The following LEPR variants were observed in gnomAD, a reference collection of about 807,000 sequenced individuals.
LEPR encodes leptin receptor, also known as OB receptor.
In LEPR, 56 loss-of-function variants were observed where a neutral mutation model predicts 114.7. The ratio of observed to expected loss-of-function variants is 0.49; its 90% confidence interval spans 0.39 to 0.61. The LOEUF is 0.61. Ranked by LOEUF, LEPR falls within the 20% of genes least tolerant of loss-of-function variation. The pLI, the probability that LEPR is intolerant of heterozygous loss-of-function variation, is 0.00. For missense variants in LEPR, 1,202 were observed against 1,352.9 expected (o/e 0.89, Z 1.75); for synonymous variants, 443 against 461.4 (o/e 0.96, Z 0.51).
intron 2 of LEPR, among the ~76,000 whole-genome samples, chr1:65,487,283 C>T (rs972217089): frequency 6.6e-6 from 1 of 152,058 alleles, no homozygotes; most frequent in African/African-American, 2.4e-5. Context: ...TACTTATTAG[C>T]AGTGGAATTG....
intron 2 of LEPR, among the ~76,000 whole-genome samples, chr1:65,441,926 CTGT>C (rs1347753093): frequency 1.3e-5 from 2 of 152,152 alleles, no homozygotes; most frequent in South Asian, 4.1e-4. Flanking sequence ...GTGATACATA[CTGT>C]TGTTCACTGT....
At chr1:65,442,716 G>C (rs1490163374) in intron 2 of LEPR, among the ~76,000 whole-genome samples, 2 of 152,112 alleles carry the variant, frequency 1.3e-5, no homozygotes, top group Non-Finnish European at 2.9e-5. Context: ...AATAAAATAT[G>C]ATATACCTCA....
At chr1:65,525,423 TCCTC>T (rs1649869367) in intron 2 of LEPR, among the ~76,000 whole-genome samples, 1 of 151,810 alleles carries the variant, frequency 6.6e-6, no homozygotes, top group African/African-American at 2.4e-5. Context: ...CGGGCAGGGG[TCCTC>T]CCTCCCCAGC....
chr1:65,457,961 G>A (rs2100360916), intron 2 of LEPR, among the ~76,000 whole-genome samples: 1 of 152,242 alleles, frequency 6.6e-6, no homozygotes, highest in East Asian at 1.9e-4. Flanking sequence ...TATGCATCTT[G>A]AGTACACTTG....
chr1:65,487,158 A>G (rs1010721521), intron 2 of LEPR, among the ~76,000 whole-genome samples: 1 of 152,182 alleles, frequency 6.6e-6, no homozygotes, highest in Non-Finnish European at 1.5e-5. Context: ...CCATTCATTC[A>G]ACAACAATAT....
chr1:65,483,408 A>G (rs757143285), intron 2 of LEPR, among the ~76,000 whole-genome samples: 1 of 152,204 alleles, frequency 6.6e-6, no homozygotes, highest in Non-Finnish European at 1.5e-5. Flanking sequence ...CTGTTGATGT[A>G]GGACAATGAG....
At chr1:65,565,816 G>T (rs1053746981) in intron 3 of LEPR, among the ~76,000 whole-genome samples, 1 of 151,462 alleles carries the variant, frequency 6.6e-6, no homozygotes, top group African/African-American at 2.4e-5. Context: ...CAACCTGATG[G>T]TGTATCCTTC....
chr1:65,586,041 G>A (rs548402643), intron 5 of LEPR, among the ~76,000 whole-genome samples: 2 of 152,028 alleles, frequency 1.3e-5, no homozygotes, highest in Admixed American at 6.6e-5. Flanking sequence ...CATGATTCAG[G>A]TTATAATTAT....
chr1:65,451,806 T>C (rs1646789196), intron 2 of LEPR, among the ~76,000 whole-genome samples: 1 of 152,106 alleles, frequency 6.6e-6, no homozygotes, highest in African/African-American at 2.4e-5. Flanking sequence ...TTTTTCCAAT[T>C]CTGTGAAGAA....
chr1:65,602,084 T>A, intron 10 of LEPR, 124 bp downstream of exon 10: 1 of 875,796 alleles, frequency 1.1e-6, no homozygotes, highest in Non-Finnish European at 1.9e-6. Flanking sequence ...TATAATATAA[T>A]GAATCAGGAA....
chr1:65,461,362 T>C (rs1402606143), intron 2 of LEPR, among the ~76,000 whole-genome samples: 1 of 151,954 alleles, frequency 6.6e-6, no homozygotes, highest in Non-Finnish European at 1.5e-5. Flanking sequence ...GGGCAGGAAA[T>C]ACAAACATAG....
At chr1:65,432,403 GC>G in intron 2 of LEPR, 1 of 868,348 alleles carries the variant, frequency 1.2e-6, no homozygotes, top group Non-Finnish European at 1.4e-6. Context: ...AGAATCTGAA[GC>G]CCCACTCTGG....
intron 3 of LEPR, among the ~76,000 whole-genome samples, chr1:65,568,440 G>A (rs546472429): frequency 5.9e-5 from 9 of 151,988 alleles, no homozygotes; most frequent in South Asian, 2.1e-4. Flanking sequence ...CTCCATCCAC[G>A]TTGTTGCAAA....
At chr1:65,624,561 T>A (rs1384026341) in intron 19 of LEPR, among the ~76,000 whole-genome samples, 6 of 152,214 alleles carry the variant, frequency 3.9e-5, no homozygotes, top group Non-Finnish European at 8.8e-5. Flanking sequence ...TTGGCATTTT[T>A]AATGTATAAA....
chr1:65,574,934 A>T (rs1342620016), intron 5 of LEPR, among the ~76,000 whole-genome samples: 4 of 152,158 alleles, frequency 2.6e-5, no homozygotes, highest in African/African-American at 9.7e-5. Flanking sequence ...TGCCAGAACA[A>T]AGGGAAACTT....
At chr1:65,497,947 A>G (rs1648247778) in intron 2 of LEPR, among the ~76,000 whole-genome samples, 2 of 152,196 alleles carry the variant, frequency 1.3e-5, no homozygotes, top group Non-Finnish European at 2.9e-5. Context: ...GAATAAATGA[A>G]TGGGGCAATG....
intron 2 of LEPR, among the ~76,000 whole-genome samples, chr1:65,428,902 TATTA>T (rs1646431041): frequency 6.6e-6 from 1 of 152,166 alleles, no homozygotes; most frequent in Admixed American, 6.5e-5. Flanking sequence ...TGCATTACAC[TATTA>T]ATTGTGAGCT....
intron 5 of LEPR, among the ~76,000 whole-genome samples, chr1:65,581,959 C>T (rs1655018395): frequency 6.6e-6 from 1 of 152,196 alleles, no homozygotes; most frequent in South Asian, 2.1e-4. Context: ...TTTGTGCCCT[C>T]ACTGGCAGAG....
intron 2 of LEPR, among the ~76,000 whole-genome samples, chr1:65,473,562 G>A (rs1647117195): frequency 6.6e-6 from 1 of 152,158 alleles, no homozygotes; most frequent in African/African-American, 2.4e-5. Flanking sequence ...AATAACAGCA[G>A]CATATTGGTT....
Sources: gnomAD v4.1 joint callset for allele counts (sites outside exome capture counted in the v4.1 genomes callset) on GRCh38, gnomAD v4.1.1 for gene constraint, MANE v1.5 for transcripts, NCBI Gene and HGNC (gene_info 2026-07-23, HGNC 2026-07-21) for gene names.